The following GSE1 variants were observed in gnomAD, a reference collection of about 807,000 sequenced individuals.
GSE1 encodes the protein Gse1 coiled-coil protein.
In GSE1, 32 loss-of-function variants were observed where a neutral mutation model predicts 112.6. The ratio of observed to expected loss-of-function variants is 0.28; its 90% confidence interval spans 0.21 to 0.38. The LOEUF (loss-of-function observed/expected upper bound fraction) is 0.38. Among genes scored for constraint, GSE1 ranks in the 10% least tolerant of loss-of-function variants. GSE1 has a pLI of 1.00. For missense variants in GSE1, 2,348 were observed against 1,699.2 expected (o/e 1.38, Z -6.71); for synonymous variants, 1,115 against 735.6 (o/e 1.52, Z -8.35).
At chr16:85,612,241 GGGGGCGGGGC>G (rs537679893), upstream of GSE1, among the ~76,000 whole-genome samples, 627 of 151,452 alleles carry the variant, frequency 4.1e-3, 2 homozygotes, top group African/African-American at 7.9e-3. Context: ...GCGATGGGGT[GGGGGCGGGGC>G]GGGGCGGGGC....
At position 85,665,015 on chromosome 16, in the gene GSE1, A is replaced by T; in HGVS notation, c.2645A>T (p.Asp882Val). The change falls in exon 12 of 16, where the codon GAC becomes GTC. Residue 882 changes from aspartate (D) to valine (V), a missense_variant and splice_region_variant. Transcript: ENST00000253458. ...TAATCTCAGGCTGCTTTTCTCATAGACAAAGAGAGACTTGTTGAAATGCTC... is the reference window on the plus strand; with the variant it reads ...TAATCTCAGGCTGCTTTTCTCATAGTCAAAGAGAGACTTGTTGAAATGCTC... ...LTHISAEKRK[D>V]KERLVEMLRA... The T allele has an allele frequency of 6.3e-7, 1 of 1,588,736 alleles. No homozygotes were observed. Among genetic ancestry groups the T allele is most frequent in the Non-Finnish European group, 8.6e-7 (1 of 1,157,140 alleles).
chr16:85,507,626 G>A (rs12051018), intron 2 of GSE1, among the ~76,000 whole-genome samples: 12,948 of 152,134 alleles, frequency 0.085, 722 homozygotes, highest in South Asian at 0.2. Context: ...GTGTGTGAAC[G>A]CCGTGTTCCC....
chr16:85,551,035 T>G (rs941901260), upstream of GSE1, among the ~76,000 whole-genome samples: 3 of 152,166 alleles, frequency 2.0e-5, no homozygotes, highest in African/African-American at 7.2e-5. Flanking sequence ...CAGGGCTTTT[T>G]CAGGGAGGTG....
At chr16:85,203,039 G>A (rs1284453747) in intron 1 of GSE1, among the ~76,000 whole-genome samples, 2 of 150,148 alleles carry the variant, frequency 1.3e-5, no homozygotes, top group African/African-American at 2.5e-5. Context: ...CCTGGGGAAT[G>A]TGGCTCTGGC....
chr16:85,230,038 G>A (rs2075555365), intron 1 of GSE1, among the ~76,000 whole-genome samples: 1 of 152,230 alleles, frequency 6.6e-6, no homozygotes. Context: ...CTCAGGCTCT[G>A]TGGGGGGCAG....
chr16:85,368,089 G>T (rs962404209), intron 2 of GSE1, among the ~76,000 whole-genome samples: 4 of 152,046 alleles, frequency 2.6e-5, no homozygotes, highest in African/African-American at 9.7e-5. Context: ...CTCGACCTCA[G>T]GTGATCCACC....
intron 2 of GSE1, among the ~76,000 whole-genome samples, chr16:85,484,355 G>A (rs763994353): frequency 1.3e-5 from 2 of 152,238 alleles, no homozygotes; most frequent in African/African-American, 2.4e-5. Flanking sequence ...GCCAGTGATC[G>A]ACAGGTTCCT....
intron 1 of GSE1, among the ~76,000 whole-genome samples, chr16:85,567,549 C>A (rs1179957188): frequency 6.6e-6 from 1 of 152,152 alleles, no homozygotes; most frequent in Non-Finnish European, 1.5e-5. Flanking sequence ...GCATGAGCTT[C>A]CTCAAAACAT....
At chr16:85,293,684 C>G (rs772553982) in intron 1 of GSE1, among the ~76,000 whole-genome samples, 12 of 152,184 alleles carry the variant, frequency 7.9e-5, no homozygotes, top group Non-Finnish European at 1.5e-4. Context: ...GGAATCTGTC[C>G]GGGCCTTTCT....
intron 2 of GSE1, among the ~76,000 whole-genome samples, chr16:85,635,779 C>T (rs1324862949): frequency 1.3e-5 from 2 of 152,238 alleles, no homozygotes; most frequent in East Asian, 3.8e-4. Flanking sequence ...GCAGCTGTGT[C>T]TGCTTTGGGG....
Position 85,666,141 on chromosome 16 carries a change from G to T in GSE1, c.2924G>T (p.Arg975Met). ...GCTCCTGCCAGCGGGGAGAAGGCCA[G>T]GCTGAGCGAGGCCCCTGGAGGCAAA... ...ELAPASGEKA[R>M]LSEAPGGKKS... Residue 975 changes from arginine to methionine, a missense_variant, in exon 13 of 16, where the codon AGG (arginine) becomes ATG (methionine). Arg to Met is a moderately conservative substitution (Grantham distance 91). Coordinates refer to ENST00000253458, the MANE Select transcript of GSE1 (RefSeq NM_014615.5). 1.2e-6 allele frequency: 2 copies of T among 1,613,376 alleles called. No homozygotes were observed. The highest frequency in any genetic ancestry group is 1.7e-6 in the Non-Finnish European group (2 of 1,180,000).
intron 2 of GSE1, among the ~76,000 whole-genome samples, chr16:85,486,362 C>CT (rs2050839224): frequency 6.6e-6 from 1 of 152,222 alleles, no homozygotes; most frequent in South Asian, 2.1e-4. Flanking sequence ...CCCGGGAAGC[C>CT]TTCCAAGGGC....
At chr16:85,293,460 C>T (rs1357312997) in intron 1 of GSE1, among the ~76,000 whole-genome samples, 1 of 152,104 alleles carries the variant, frequency 6.6e-6, no homozygotes, top group African/African-American at 2.4e-5. Flanking sequence ...GCAGGAGAAT[C>T]GCTTGAACCC....
chr16:85,463,687 G>C (rs968432911), intron 2 of GSE1, among the ~76,000 whole-genome samples: 3 of 152,176 alleles, frequency 2.0e-5, no homozygotes, highest in Non-Finnish European at 4.4e-5. Context: ...CAGCTCTCTG[G>C]GGAGAACTCC....
At chr16:85,177,104 A>T (rs2074483043) in intron 1 of GSE1, among the ~76,000 whole-genome samples, 1 of 152,220 alleles carries the variant, frequency 6.6e-6, no homozygotes, top group Non-Finnish European at 1.5e-5. Context: ...ACCCGGAGGC[A>T]GTCGGAGAAA....
intron 1 of GSE1, among the ~76,000 whole-genome samples, chr16:85,244,313 G>A (rs967871923): frequency 5.9e-5 from 9 of 152,096 alleles, no homozygotes; most frequent in Admixed American, 3.3e-4. Flanking sequence ...GGAAGGGAGG[G>A]GCCGTGAGCC....
chr16:85,613,458 C>T (rs1240379217), intron 1 of GSE1, 60 bp downstream of exon 1: 6 of 1,436,706 alleles, frequency 4.2e-6, no homozygotes, highest in South Asian at 3.8e-5. Flanking sequence ...CCGCACTGTC[C>T]TCCTGCAAGT....
intron 5 of GSE1, among the ~76,000 whole-genome samples, 154 bp from the exon 6 acceptor site, chr16:85,655,572 G>C (rs2051848100): frequency 6.6e-6 from 1 of 152,192 alleles, no homozygotes; most frequent in African/African-American, 2.4e-5. Flanking sequence ...AGGGGCTTTG[G>C]GGCTAGCAGC....
chr16:85,564,623 C>T (rs1257811116), intron 1 of GSE1, among the ~76,000 whole-genome samples: 1 of 152,186 alleles, frequency 6.6e-6, no homozygotes, highest in Non-Finnish European at 1.5e-5. Context: ...CCACTCCTGC[C>T]CCGTTGCTCA....
Sources: gnomAD v4.1 joint callset for allele counts (sites outside exome capture counted in the v4.1 genomes callset) on GRCh38, gnomAD v4.1.1 for gene constraint, MANE v1.5 for transcripts, NCBI Gene and HGNC (gene_info 2026-07-23, HGNC 2026-07-21) for gene names.